Variants in ANKRD44 observed in about 807,000 individuals in gnomAD.
ANKRD44 encodes the protein ankyrin repeat domain 44.
A neutral mutation model predicts 116.0 loss-of-function variants in ANKRD44; 35 were observed. The observed-to-expected ratio is 0.30, with a 90% CI of 0.23 to 0.40. ANKRD44 has a LOEUF of 0.40. ANKRD44 is among the 10% of genes least tolerant of loss of function. The pLI is 1.00. For missense variants in ANKRD44, 1,014 were observed against 1,242.6 expected (o/e 0.82, Z 2.77); for synonymous variants, 435 against 461.8 (o/e 0.94, Z 0.74).
chr2:197,148,584 C>A (rs188481175), intron 2 of ANKRD44, among the ~76,000 whole-genome samples: 2 of 152,226 alleles, frequency 1.3e-5, no homozygotes, highest in African/African-American at 4.8e-5. Flanking sequence ...ACCCTCTGCT[C>A]TTCCTCTGTC....
chr2:197,167,596 C>T (rs935321082), intron 2 of ANKRD44, among the ~76,000 whole-genome samples: 3 of 152,206 alleles, frequency 2.0e-5, no homozygotes, highest in African/African-American at 7.2e-5. Flanking sequence ...CACCAGAATG[C>T]ATCTAAGAGC....
intron 8 of ANKRD44, among the ~76,000 whole-genome samples, chr2:197,119,916 A>C (rs1464677473): frequency 1.3e-5 from 2 of 152,204 alleles, no homozygotes; most frequent in African/African-American, 4.8e-5. Flanking sequence ...TCACATGGCA[A>C]GCTGACAAGT....
intron 1 of ANKRD44, among the ~76,000 whole-genome samples, chr2:197,202,626 G>A (rs1018361266): frequency 6.8e-5 from 10 of 147,280 alleles, no homozygotes; most frequent in African/African-American, 2.7e-4. Context: ...AGGCTGGAGT[G>A]CAGTGGCATA....
intron 27 of ANKRD44, chr2:196,990,961 C>T (rs1275446486): frequency 1.9e-5 from 24 of 1,231,760 alleles, no homozygotes; most frequent in Non-Finnish European, 2.1e-5. Context: ...AGTGGTTAGT[C>T]CTGGGGAGCC....
At chr2:197,240,154 C>T (rs544839644) in intron 1 of ANKRD44, among the ~76,000 whole-genome samples, 1 of 152,082 alleles carries the variant, frequency 6.6e-6, no homozygotes, top group East Asian at 1.9e-4. Context: ...GCAGGTGAAT[C>T]GCCTGAGGTC....
intron 8 of ANKRD44, among the ~76,000 whole-genome samples, chr2:197,118,655 G>GAAAAAAAGAAAGAAAGAAAT: frequency 6.6e-6 from 1 of 150,756 alleles, no homozygotes; most frequent in South Asian, 2.1e-4. Flanking sequence ...AAGAAAGAAA[G>GAAAAAAAGAAAGAAAGAAAT]AAAGAAAGAA....
chr2:197,300,976 CTCTGGCCATCTCTCTG>C (rs1418062753), intron 1 of ANKRD44: 1 of 152,052 alleles, frequency 6.6e-6, no homozygotes, highest in Non-Finnish European at 1.5e-5. Context: ...CTCTAGCCAT[CTCTGGCCATCTCTCTG>C]GCCAGGCTGG....
chr2:197,135,293 C>T (rs2079190241), intron 4 of ANKRD44: 1 of 152,192 alleles, frequency 6.6e-6, no homozygotes, highest in African/African-American at 2.4e-5. Context: ...TCTCCAGTAG[C>T]AGAGGAGAAG....
chr2:197,288,497 G>A (rs1422902483), intron 1 of ANKRD44, among the ~76,000 whole-genome samples: 2 of 152,108 alleles, frequency 1.3e-5, no homozygotes, highest in African/African-American at 4.8e-5. Flanking sequence ...TCAGTCCAAA[G>A]GAAAAGAAAC....
Position 196,986,718 on chromosome 2 carries a change from CATAGTATATTA to C in ANKRD44, c.*2862_*2872del. 2 of 977,992 alleles carry C rather than the reference CATAGTATATTA, an allele frequency of 2.0e-6. No individual in the cohort carries two copies. The highest frequency in any genetic ancestry group is 2.4e-6 in the Non-Finnish European group (2 of 823,258). 60.6% of individuals were successfully genotyped at this position (977,992 alleles called of 1,614,324 possible). A position where few individuals can be genotyped will look rare whatever the true frequency, so the allele number is the denominator to read the frequency against. On this transcript the variant is annotated 3_prime_UTR_variant, in exon 28 of 28. Coordinates refer to ENST00000282272, the MANE Select transcript of ANKRD44 (RefSeq NM_001195144.2). ...AAAAATAACCATCTGAATGCATTTC[CATAGTATATTA>C]CAGTTAAGTACTTCATTACGTTATT...
chr2:196,976,740 G>A (rs905626003), intron 21 of ANKRD44, among the ~76,000 whole-genome samples: 6 of 152,166 alleles, frequency 3.9e-5, no homozygotes, highest in Non-Finnish European at 7.4e-5. Flanking sequence ...GGTGGTGCAC[G>A]CCTGTAGTCC....
At chr2:197,082,240 G>A (rs2077814165) in intron 14 of ANKRD44, among the ~76,000 whole-genome samples, 1 of 152,194 alleles carries the variant, frequency 6.6e-6, no homozygotes, top group South Asian at 2.1e-4. Flanking sequence ...TGAATTGCCT[G>A]GAGCTTGGCA....
chr2:197,121,644 C>G, intron 7 of ANKRD44, 100 bp from the exon 8 acceptor site: 1 of 987,606 alleles, frequency 1.0e-6, no homozygotes, highest in Non-Finnish European at 1.5e-6. Flanking sequence ...AAGGAAATAG[C>G]CATCCGCCAA....
intron 1 of ANKRD44, among the ~76,000 whole-genome samples, chr2:197,300,646 C>T (rs928662109): frequency 2.0e-5 from 3 of 152,058 alleles, no homozygotes; most frequent in African/African-American, 7.2e-5. Flanking sequence ...TTTCAAGAAT[C>T]CTAATGTGTG....
chr2:197,100,874 CTT>C (rs911322795), intron 9 of ANKRD44, among the ~76,000 whole-genome samples: 1 of 151,954 alleles, frequency 6.6e-6, no homozygotes, highest in East Asian at 1.9e-4. Flanking sequence ...CACTAAATTT[CTT>C]TTTTTCTCTC....
At chr2:196,971,775 C>T (rs2075717504) in intron 21 of ANKRD44, among the ~76,000 whole-genome samples, 1 of 152,160 alleles carries the variant, frequency 6.6e-6, no homozygotes, top group South Asian at 2.1e-4. Context: ...GACAATTGCC[C>T]TGGCCCTCCT....
chr2:197,242,851 G>A (rs2082118598), intron 1 of ANKRD44, among the ~76,000 whole-genome samples: 1 of 152,184 alleles, frequency 6.6e-6, no homozygotes, highest in Non-Finnish European at 1.5e-5. Context: ...GGAGAAACAG[G>A]GGAATTAAGT....
At chr2:196,985,194 A>G (rs1304092680), downstream of ANKRD44, among the ~76,000 whole-genome samples, 1 of 152,184 alleles carries the variant, frequency 6.6e-6, no homozygotes, top group Non-Finnish European at 1.5e-5. Context: ...CCTGCCAACA[A>G]CCATATGAGT....
At chr2:196,978,894 T>C (rs1311505891) in intron 21 of ANKRD44, among the ~76,000 whole-genome samples, 1 of 149,144 alleles carries the variant, frequency 6.7e-6, no homozygotes, top group Non-Finnish European at 1.5e-5. Context: ...CATCCGATAT[T>C]GTTTTAAAAA....
Sources: allele counts gnomAD v4.1 joint callset (sites outside exome capture counted in the v4.1 genomes callset), GRCh38; gene constraint gnomAD v4.1.1; transcripts MANE v1.5; gene names NCBI Gene and HGNC (gene_info 2026-07-23, HGNC 2026-07-21).